The following SETD5 variants were observed in gnomAD, a reference collection of about 807,000 sequenced individuals.
The protein encoded by SETD5 is SET domain containing 5, also known as histone-lysine N-methyltransferase SETD5.
A neutral mutation model predicts 153.3 loss-of-function variants in SETD5; 44 were observed. That is an observed-to-expected ratio of 0.29 (90% CI 0.23 to 0.37). SETD5 has a LOEUF of 0.37. Among genes scored for constraint, SETD5 ranks in the 10% least tolerant of loss-of-function variants. SETD5 has a pLI of 1.00. For missense variants in SETD5, 1,544 were observed against 1,768.0 expected, an observed-to-expected ratio of 0.87 and a Z score of 2.27; for synonymous variants, 716 against 645.2, an observed-to-expected ratio of 1.11 and a Z score of -1.66.
chr3:9,449,280 G>A (rs185655350), intron 16 of SETD5, among the ~76,000 whole-genome samples: 21 of 152,112 alleles, frequency 1.4e-4, no homozygotes, highest in African/African-American at 4.8e-4. Flanking sequence ...TGGCAGTAGC[G>A]TTTGGTGGTG....
intron 17 of SETD5, among the ~76,000 whole-genome samples, chr3:9,462,713 A>G (rs1416103063): frequency 1.3e-5 from 2 of 152,184 alleles, no homozygotes; most frequent in Non-Finnish European, 2.9e-5. Flanking sequence ...TTCAAGGCCA[A>G]CATGGTGAAA....
At chr3:9,444,171 G>A (rs1255731300) in intron 11 of SETD5, among the ~76,000 whole-genome samples, 3 of 152,178 alleles carry the variant, frequency 2.0e-5, no homozygotes, top group African/African-American at 7.2e-5. Flanking sequence ...CAGAAACCAT[G>A]TTATCTAGCT....
chr3:9,445,802 T>C, intron 13 of SETD5, 62 bp downstream of exon 13: 1 of 1,169,834 alleles, frequency 8.5e-7, no homozygotes, highest in Non-Finnish European at 1.2e-6. Flanking sequence ...CATGTGAACC[T>C]CTTCTGTTCT....
chr3:9,447,609 G>T, intron 14 of SETD5, 77 bp from the exon 15 acceptor site: 1 of 1,463,090 alleles, frequency 6.8e-7, no homozygotes. Context: ...CATTCTGAAT[G>T]CTTAAAGTGA....
chr3:9,476,439 T>C lies in SETD5; in HGVS notation c.*348T>C, dbSNP rs2045856098. On this transcript the variant is annotated 3_prime_UTR_variant, in exon 23 of 23. Coordinates refer to ENST00000402198, the MANE Select transcript of SETD5 (RefSeq NM_001080517.3). ...CTGTAGCCCGTAGTCACTTGTGCAG[T>C]GAGGACATCTTTTTAAATTTAAAAA... is the stretch of plus-strand genomic sequence containing the variant. 1 of 179,782 alleles carries C rather than the reference T, an allele frequency of 5.6e-6. No homozygotes were observed. The highest frequency in any genetic ancestry group is 2.0e-4 in the South Asian group (1 of 5,120). The allele number at this position is 179,782 out of a possible 1,614,324, so 11.1% of individuals were successfully genotyped here. A position where few individuals can be genotyped will look rare whatever the true frequency, so the allele number is the denominator to read the frequency against.
At chr3:9,452,472 TTTTTA>T (rs1441111206) in intron 16 of SETD5, among the ~76,000 whole-genome samples, 4 of 152,290 alleles carry the variant, frequency 2.6e-5, no homozygotes, top group African/African-American at 9.6e-5. Context: ...TTCTTCGGAT[TTTTTA>T]TTTTGTTTTT....
chr3:9,438,581 T>C (rs1482796593), intron 7 of SETD5, among the ~76,000 whole-genome samples: 1 of 152,164 alleles, frequency 6.6e-6, no homozygotes, highest in African/African-American at 2.4e-5. Context: ...AGTTATAAAT[T>C]TTATGCTCAG....
intron 21 of SETD5, 190 bp from the exon 22 acceptor site, chr3:9,474,878 A>T (rs2045695306): frequency 1.6e-6 from 1 of 627,698 alleles, no homozygotes; most frequent in Non-Finnish European, 2.7e-6. Context: ...CGGGAATCAC[A>T]TCAGGCATTT....
chr3:9,444,913 T>A, intron 11 of SETD5, 135 bp from the exon 12 acceptor site: 1 of 1,188,852 alleles, frequency 8.4e-7, no homozygotes, highest in Admixed American at 2.3e-5. Context: ...TAGGACTCTC[T>A]AATGTCTCTG....
At chr3:9,463,535 T>C (rs770436231) in intron 17 of SETD5, among the ~76,000 whole-genome samples, 2 of 152,214 alleles carry the variant, frequency 1.3e-5, no homozygotes, top group African/African-American at 2.4e-5. Flanking sequence ...ACTTGCTTTT[T>C]AAGTGGATCT....
At chr3:9,465,219 T>C (rs1283355848) in intron 18 of SETD5, among the ~76,000 whole-genome samples, 1 of 152,366 alleles carries the variant, frequency 6.6e-6, no homozygotes, top group South Asian at 2.1e-4. Flanking sequence ...CTCTTTGTTA[T>C]AATGTCTTAG....
In SETD5 at chr3:9,468,676, G is replaced by T. The variant is rs1164210285; in HGVS notation, c.2725-1783G>T. 6 of 1,101,718 alleles carry T rather than the reference G, an allele frequency of 5.4e-6. No individual in the cohort carries two copies. The East Asian group carries it at 3.5e-4, about 65-fold the overall frequency. 68.2% of individuals were successfully genotyped at this position (1,101,718 alleles called of 1,614,324 possible). On this transcript the variant is annotated intron_variant, in intron 18 of 22. Coordinates refer to ENST00000402198, the MANE Select transcript of SETD5 (RefSeq NM_001080517.3). Reference sequence around the variant, plus strand: ...GAGGGCTGGGGATCTGAGTCAGTGGGGTGATGGGCTGGAGGGCGGCCACTC... The same window carrying T: ...GAGGGCTGGGGATCTGAGTCAGTGGTGTGATGGGCTGGAGGGCGGCCACTC...
chr3:9,402,638 A>G (rs2034986439), intron 1 of SETD5, among the ~76,000 whole-genome samples: 1 of 152,176 alleles, frequency 6.6e-6, no homozygotes, highest in Non-Finnish European at 1.5e-5. Context: ...TTGTGGTATA[A>G]GGATTCCCAC....
chr3:9,443,190 T>C, intron 10 of SETD5, 118 bp from the exon 11 acceptor site: 1 of 742,996 alleles, frequency 1.3e-6, no homozygotes, highest in South Asian at 1.6e-5. Context: ...TTACCATAAC[T>C]CCTTAAATAA....
At chr3:9,424,629 A>T (rs1269569436) in intron 2 of SETD5, 103 bp downstream of exon 2, 1 of 152,230 alleles carries the variant, frequency 6.6e-6, no homozygotes, top group Non-Finnish European at 1.5e-5. Flanking sequence ...TTTACTTAGC[A>T]GATATTTCTG....
At chr3:9,425,807 A>G (rs150659217) in intron 2 of SETD5, among the ~76,000 whole-genome samples, 27 of 152,288 alleles carry the variant, frequency 1.8e-4, no homozygotes, top group South Asian at 6.2e-4. Context: ...ATGGGTGTAC[A>G]GTCGTAATGG....
intron 1 of SETD5, among the ~76,000 whole-genome samples, chr3:9,412,800 T>C (rs1298415165): frequency 6.6e-6 from 1 of 151,658 alleles, no homozygotes; most frequent in Non-Finnish European, 1.5e-5. Flanking sequence ...GGGGTTTGCT[T>C]TAGATAGAGA....
intron 3 of SETD5, chr3:9,430,536 T>G (rs2039835946): frequency 4.3e-6 from 1 of 233,380 alleles, no homozygotes; most frequent in South Asian, 1.5e-4. Context: ...AATAAAGTAC[T>G]TAAAACTCTC....
Position 9,434,006 on chromosome 3 carries a change from T to G in SETD5, c.177+56T>G. 1 of 1,613,156 alleles carries G rather than the reference T, an allele frequency of 6.2e-7. No homozygotes were observed. On this transcript the variant is annotated intron_variant, in intron 4 of 22. Coordinates refer to ENST00000402198, the MANE Select transcript of SETD5 (RefSeq NM_001080517.3). The surrounding 1 kb of genome is among the most constrained non-coding windows in gnomAD (Gnocchi z 5.6). Reference sequence around the variant, plus strand: ...GTGATCTTCCTGGAGTGTAATCCATTCTTATACATTGTGACTTTCTTGAAA... The same window carrying G: ...GTGATCTTCCTGGAGTGTAATCCATGCTTATACATTGTGACTTTCTTGAAA...
Sources: gnomAD v4.1 joint callset for allele counts (sites outside exome capture counted in the v4.1 genomes callset) on GRCh38, gnomAD v4.1.1 for gene constraint, Gnocchi (gnomAD v3.1) non-coding constraint, MANE v1.5 for transcripts, NCBI Gene and HGNC (gene_info 2026-07-23, HGNC 2026-07-21) for gene names.